Variants in TYW1 observed in about 807,000 individuals in gnomAD.
TYW1 encodes S-adenosyl-L-methionine-dependent tRNA 4-demethylwyosine synthase TYW1.
TYW1 carries 46 observed loss-of-function variants against 96.2 expected under a neutral mutation model. The observed-to-expected ratio is 0.48, with a 90% CI of 0.38 to 0.61. The LOEUF (loss-of-function observed/expected upper bound fraction) is 0.61, where lower values mean the gene tolerates loss of function less well. TYW1 is among the 20% of genes least tolerant of loss of function. The pLI is 0.00. For missense variants in TYW1, 684 were observed against 909.6 expected (o/e 0.75, Z 3.19); for synonymous variants, 274 against 323.0 (o/e 0.85, Z 1.63).
intron 15 of TYW1, among the ~76,000 whole-genome samples, chr7:67,201,896 T>C (rs1800611526): frequency 6.6e-6 from 1 of 152,164 alleles, no homozygotes. Context: ...TTGAAAGAAG[T>C]GTGACACAGC....
chr7:67,011,268 C>T (rs1309303375), intron 4 of TYW1, among the ~76,000 whole-genome samples: 2 of 152,124 alleles, frequency 1.3e-5, no homozygotes, highest in African/African-American at 2.4e-5. Context: ...GAACTCCTGA[C>T]ATCAGGTGAT....
At chr7:67,149,722 AT>A (rs925655592) in intron 13 of TYW1, among the ~76,000 whole-genome samples, 1 of 140,120 alleles carries the variant, frequency 7.1e-6, no homozygotes, top group East Asian at 2.1e-4. Context: ...AGGAAAAAAA[AT>A]ATCTATCTAT....
chr7:67,053,525 A>G (rs538815533), intron 8 of TYW1, among the ~76,000 whole-genome samples: 2 of 151,758 alleles, frequency 1.3e-5, no homozygotes, highest in East Asian at 1.9e-4. Flanking sequence ...GATTACATGC[A>G]TACGCCACCA....
At chr7:67,064,449 C>T (rs1219527379) in intron 9 of TYW1, among the ~76,000 whole-genome samples, 3 of 152,090 alleles carry the variant, frequency 2.0e-5, no homozygotes, top group African/African-American at 4.8e-5. Context: ...TGTATTAGTC[C>T]GTTTTCATGC....
intron 13 of TYW1, among the ~76,000 whole-genome samples, chr7:67,175,101 A>G (rs1799627690): frequency 6.6e-6 from 1 of 152,012 alleles, no homozygotes; most frequent in Non-Finnish European, 1.5e-5. Context: ...CAGGAGAACT[A>G]ACACCAACCC....
At chr7:67,027,198 TC>T in intron 7 of TYW1, among the ~76,000 whole-genome samples, 1 of 149,202 alleles carries the variant, frequency 6.7e-6, no homozygotes, top group Admixed American at 6.7e-5. Context: ...AGACCTTGTT[TC>T]AAAAAAAAAA....
chr7:67,119,944 G>C (rs1345096659), intron 13 of TYW1, among the ~76,000 whole-genome samples: 1 of 145,656 alleles, frequency 6.9e-6, no homozygotes, highest in Non-Finnish European at 1.5e-5. Context: ...ATACTGCCAT[G>C]CCTAGTTAAT....
At chr7:67,046,366 A>G (rs1795187651) in intron 7 of TYW1, among the ~76,000 whole-genome samples, 1 of 152,002 alleles carries the variant, frequency 6.6e-6, no homozygotes, top group Non-Finnish European at 1.5e-5. Flanking sequence ...CTGACCTACA[A>G]CCTGGGGGTT....
At position 67,197,473 on chromosome 7, in the gene TYW1, G is replaced by A. The variant is rs557449964; in HGVS notation, c.1977+2136G>A. Among the ~76,000 whole-genome samples the A allele has an allele frequency of 4.6e-5, 7 of 152,244 alleles. No homozygotes were observed. The East Asian group carries it at 1.4e-3, about 29-fold the overall frequency. On this transcript the variant is annotated intron_variant, in intron 15 of 15. Coordinates refer to ENST00000359626, the MANE Select transcript of TYW1 (RefSeq NM_018264.4). ...CCCGAGTAGCTGGGACTACAGGCGT[G>A]AGCCACCACACCCAGCTAATTTTTG...
chr7:67,123,747 G>A (rs2116013303), intron 13 of TYW1, among the ~76,000 whole-genome samples: 1 of 152,328 alleles, frequency 6.6e-6, no homozygotes, highest in East Asian at 1.9e-4. Context: ...ATGAGTCTGG[G>A]AAGAATTTGA....
intron 15 of TYW1, among the ~76,000 whole-genome samples, chr7:67,236,493 ACT>A (rs1165829830): frequency 6.6e-6 from 1 of 152,024 alleles, no homozygotes; most frequent in Non-Finnish European, 1.5e-5. Context: ...GTCACCTTTG[ACT>A]CTGCAGTTTC....
chr7:67,051,724 G>GT lies in TYW1; in HGVS notation c.1102+1665dup, dbSNP rs200899821. Among the ~76,000 whole-genome samples the GT allele has an allele frequency of 2.5e-4, 29 of 118,222 alleles. No homozygotes were observed. The East Asian group carries it at 5.1e-3, about 21-fold the overall frequency. The allele number at this position is 118,222 out of a possible 152,430, so 77.6% of individuals were successfully genotyped here. On this transcript the variant is annotated intron_variant, in intron 8 of 15. Transcript: ENST00000359626. ...TCCATCTGCCTGAAGGACTGTTTTT[G>GT]TTTTTTTGTTTTTTTTTTTTTTTCT...
intron 7 of TYW1, among the ~76,000 whole-genome samples, chr7:67,035,968 T>G (rs1053058571): frequency 4.0e-5 from 6 of 150,540 alleles, no homozygotes; most frequent in Non-Finnish European, 8.9e-5. Context: ...TGAGCCACTG[T>G]GCCCGGCCGG....
rs1794881922 is a variant in TYW1, at chr7:67,037,595, C to T, written c.985-12354C>T. On this transcript the variant is annotated intron_variant, in intron 7 of 15. Transcript: ENST00000359626. Reference sequence around the variant, plus strand: ...CCAGGAGCTGGGGACAAAGGCTAGACATCTTATTCTTTATTGTACACTGTG... The same window carrying T: ...CCAGGAGCTGGGGACAAAGGCTAGATATCTTATTCTTTATTGTACACTGTG... Among the ~76,000 whole-genome samples, 3 of 151,274 alleles carry T rather than the reference C, an allele frequency of 2.0e-5. No individual in the cohort carries two copies. The South Asian group carries it at 6.2e-4, about 31-fold the overall frequency.
intron 14 of TYW1, 61 bp from the exon 15 acceptor site, chr7:67,195,109 C>T: frequency 6.4e-7 from 1 of 1,560,812 alleles, no homozygotes; most frequent in Non-Finnish European, 8.7e-7. Flanking sequence ...CTCTGAAAGT[C>T]TTCTTCTATG....
intron 7 of TYW1, among the ~76,000 whole-genome samples, chr7:67,026,228 A>G (rs1794449111): frequency 6.6e-6 from 1 of 152,098 alleles, no homozygotes; most frequent in Non-Finnish European, 1.5e-5. Flanking sequence ...GCATACCACC[A>G]CGCTGAGCTA....
In TYW1 at chr7:67,077,661, G is replaced by A. The variant is rs186236882; in HGVS notation, c.1275-5769G>A. Among the ~76,000 whole-genome samples the A allele has an allele frequency of 3.3e-5, 5 of 152,270 alleles. No homozygotes were observed. In the South Asian group the frequency reaches 8.3e-4, roughly 25 times the overall value. ...ATATTAATCCCTTGTTTGATGAATG[G>A]TTTGGAAATATTTTCTGTCATTCTG... On this transcript the variant is annotated intron_variant, in intron 10 of 15. Coordinates refer to ENST00000359626, the MANE Select transcript of TYW1 (RefSeq NM_018264.4).
At chr7:67,063,911 T>C (rs962766408) in intron 9 of TYW1, among the ~76,000 whole-genome samples, 18 of 152,168 alleles carry the variant, frequency 1.2e-4, no homozygotes, top group Non-Finnish European at 4.4e-5. Context: ...GTATTCTGTA[T>C]ATTAACAATG....
intron 13 of TYW1, among the ~76,000 whole-genome samples, chr7:67,175,683 T>C (rs552410224): frequency 1.3e-5 from 2 of 152,308 alleles, no homozygotes; most frequent in Non-Finnish European, 2.9e-5. Context: ...AGAAAGCTGG[T>C]AGGATAAGGT....
Sources: gnomAD v4.1 joint callset for allele counts (sites outside exome capture counted in the v4.1 genomes callset) on GRCh38, gnomAD v4.1.1 for gene constraint, MANE v1.5 for transcripts, NCBI Gene and HGNC (gene_info 2026-07-23, HGNC 2026-07-21) for gene names.